Variants in GRM4 observed in about 807,000 individuals in gnomAD.
The protein encoded by GRM4 is glutamate metabotropic receptor 4, also known as metabotropic glutamate receptor 4.
In GRM4, 28 loss-of-function variants were observed where a neutral mutation model predicts 81.7. The observed-to-expected ratio is 0.34, with a 90% CI of 0.25 to 0.47. The LOEUF (loss-of-function observed/expected upper bound fraction) is 0.47, where lower values mean the gene tolerates loss of function less well. GRM4 is among the 20% of genes least tolerant of loss of function. The probability of loss-of-function intolerance (pLI) is 1.00; values close to 1 mark genes in which losing one functional copy is unlikely to be tolerated. For missense variants in GRM4, 948 were observed against 1,290.0 expected (o/e 0.73, Z 4.06); for synonymous variants, 488 against 528.8 (o/e 0.92, Z 1.06).
At chr6:34,085,140 C>G (rs920140712) in intron 3 of GRM4, among the ~76,000 whole-genome samples, 1 of 152,222 alleles carries the variant, frequency 6.6e-6, no homozygotes, top group Non-Finnish European at 1.5e-5. Flanking sequence ...TCTACAGAGT[C>G]ATATGCTATG....
At chr6:34,127,033 G>A (rs528193505) in intron 2 of GRM4, among the ~76,000 whole-genome samples, 1 of 152,218 alleles carries the variant, frequency 6.6e-6, no homozygotes, top group East Asian at 1.9e-4. Flanking sequence ...ATTTTTCTTT[G>A]TATTTTGTTT....
At chr6:34,141,522 A>G (rs1166103154) in intron 1 of GRM4, among the ~76,000 whole-genome samples, 1 of 152,212 alleles carries the variant, frequency 6.6e-6, no homozygotes, top group Non-Finnish European at 1.5e-5. Context: ...CACTGCTGCC[A>G]CGAGATTGCT....
rs764355872 is a variant in GRM4, at chr6:34,059,095, C to A, written c.906G>T (p.Gln302His). The A allele has an allele frequency of 6.2e-7, 1 of 1,613,798 alleles. No homozygotes were observed. Among genetic ancestry groups the A allele is most frequent in the Non-Finnish European group, 8.5e-7 (1 of 1,179,988 alleles). ...RVLEAARRAN[Q>H]TGHFFWMGSD... ...AGCCCATCCAGAAGAAATGGCCTGT[C>A]TGGTTGGCCCTTCGTGCTGCCTCCA... The change falls in exon 5 of 11, where the codon CAG becomes CAT. Residue 302 changes from glutamine to histidine, a missense_variant. Physicochemically the swap from Gln to His is conservative, Grantham distance 24. Coordinates refer to ENST00000538487, the MANE Select transcript of GRM4 (RefSeq NM_000841.4). The surrounding 1 kb of genome is among the most constrained non-coding windows in gnomAD (Gnocchi z 5.7).
Position 34,133,149 on chromosome 6 carries a change from G to C in GRM4, c.348C>G (p.Leu116=). The C allele has an allele frequency of 6.2e-7, 1 of 1,614,022 alleles. No individual in the cohort carries two copies. Among genetic ancestry groups the C allele is most frequent in the Non-Finnish European group, 8.5e-7 (1 of 1,179,920 alleles). ...LDTCSRDTHA[L]EQSLTFVQAL... The stretch of plus-strand genomic sequence containing the variant: ...CCTGCACAAAGGTCAGCGACTGCTC[G>C]AGGGCATGGGTGTCCCTGGAGCAGG... Residue 116 remains leucine (L), a synonymous_variant, in exon 2 of 11, where the codon CTC becomes CTG. Transcript: ENST00000538487. This position sits in a 1 kb window ranked among gnomAD's most constrained non-coding sequence, Gnocchi z 6.5.
intron 2 of GRM4, among the ~76,000 whole-genome samples, chr6:34,126,539 G>T (rs1294930066): frequency 6.6e-6 from 1 of 152,162 alleles, no homozygotes; most frequent in Non-Finnish European, 1.5e-5. Context: ...TGAGTCAGTG[G>T]GGACCTGGAG....
Position 34,022,985 on chromosome 6 carries a change from G to T in GRM4, c.2690-115C>A. The T allele has an allele frequency of 1.2e-6, 1 of 832,550 alleles. No homozygotes were observed. Among genetic ancestry groups the T allele is most frequent in the Non-Finnish European group, 2.1e-6 (1 of 484,804 alleles). 51.6% of individuals were successfully genotyped at this position (832,550 alleles called of 1,614,324 possible). On this transcript the variant is annotated intron_variant, in intron 10 of 10. Transcript: ENST00000538487. The surrounding 1 kb of genome is among the most constrained non-coding windows in gnomAD (Gnocchi z 5.6). ...CTACCATAGCTCCCCGCCTCTCATG[G>T]CATCCAGTCCTGAGCTGAGCAATCG...
At chr6:34,049,024 G>A (rs375293757) in intron 6 of GRM4, among the ~76,000 whole-genome samples, 5 of 152,026 alleles carry the variant, frequency 3.3e-5, no homozygotes, top group South Asian at 4.2e-4. Context: ...TCATTTCTCC[G>A]ATTTAAGCAA....
chr6:34,062,992 C>T (rs1766263367), intron 3 of GRM4: 1 of 152,248 alleles, frequency 6.6e-6, no homozygotes, highest in East Asian at 1.9e-4. Context: ...TACTGGAGTC[C>T]AGGAGCTGGA....
chr6:34,098,033 T>C (rs1194538067), intron 2 of GRM4, among the ~76,000 whole-genome samples: 9 of 152,214 alleles, frequency 5.9e-5, no homozygotes, highest in African/African-American at 2.2e-4. Context: ...CAGGGCTGTG[T>C]GACCCAGCTT....
chr6:34,143,842 G>A (rs1770805503), intron 1 of GRM4, among the ~76,000 whole-genome samples: 1 of 152,206 alleles, frequency 6.6e-6, no homozygotes, highest in African/African-American at 2.4e-5. Context: ...CTCCCTGCCT[G>A]CCCTAGGCCC....
intron 2 of GRM4, among the ~76,000 whole-genome samples, chr6:34,097,178 G>A (rs1237767089): frequency 6.6e-6 from 1 of 152,208 alleles, no homozygotes; most frequent in East Asian, 1.9e-4. Context: ...AGATGGGGAT[G>A]AGGAGCCAGG....
intron 2 of GRM4, among the ~76,000 whole-genome samples, chr6:34,096,374 G>A (rs1422471317): frequency 1.3e-5 from 2 of 152,012 alleles, no homozygotes; most frequent in African/African-American, 2.4e-5. Flanking sequence ...CCTCCTCCAG[G>A]CAGCCCTCCC....
At chr6:34,081,659 G>T (rs574490470) in intron 3 of GRM4, among the ~76,000 whole-genome samples, 1 of 152,240 alleles carries the variant, frequency 6.6e-6, no homozygotes, top group South Asian at 2.1e-4. Flanking sequence ...AGAGTGGGAC[G>T]CAGGCTGCTG....
chr6:34,036,530 C>G lies in GRM4; in HGVS notation c.1580G>C (p.Gly527Ala). 1 of 1,611,456 alleles carries G rather than the reference C, an allele frequency of 6.2e-7. No homozygotes were observed. The highest frequency in any genetic ancestry group is 8.5e-7 in the Non-Finnish European group (1 of 1,179,156). The change falls in exon 9 of 11, where the codon GGT becomes GCT. Residue 527 changes from glycine (G) to alanine (A), a missense_variant. Gly to Ala is a moderately conservative substitution (Grantham distance 60). Transcript: ENST00000538487. This position sits in a 1 kb window ranked among gnomAD's most constrained non-coding sequence, Gnocchi z 9.0. The stretch of plus-strand genomic sequence containing the variant: ...GCCCTTCACTGTCTTCTTCCGCTCA[C>G]CCGGTTGGCAGGGCAGGCTGCAGAT... ...RSICSLPCQPGERKKTVKGMP... is the reference protein window; with the variant it reads ...RSICSLPCQPAERKKTVKGMP...
At position 34,044,751 on chromosome 6, in the gene GRM4, T is replaced by TACACAC. The variant is rs796918373; in HGVS notation, c.1169-4004_1169-4003insGTGTGT. Among the ~76,000 whole-genome samples, 44 of 132,670 alleles carry TACACAC rather than the reference T, an allele frequency of 3.3e-4. 2 individuals carry two copies. The highest frequency in any genetic ancestry group is 1.3e-3 in the African/African-American group (44 of 35,030). The allele number at this position is 132,670 out of a possible 152,430, so 87.0% of individuals were successfully genotyped here. A position where few individuals can be genotyped will look rare whatever the true frequency, so the allele number is the denominator to read the frequency against. On this transcript the variant is annotated intron_variant, in intron 6 of 10. Coordinates refer to ENST00000538487, the MANE Select transcript of GRM4 (RefSeq NM_000841.4). The stretch of plus-strand genomic sequence containing the variant: ...ACAGACATACATACATACACATATA[T>TACACAC]ACACATACACACACATAGACATACA...
intron 9 of GRM4, among the ~76,000 whole-genome samples, chr6:34,030,330 AG>A (rs1362429120): frequency 6.6e-6 from 1 of 152,176 alleles, no homozygotes; most frequent in Non-Finnish European, 1.5e-5. Flanking sequence ...TCTTGGAAAT[AG>A]GGGTTGTGTC....
intron 3 of GRM4, among the ~76,000 whole-genome samples, chr6:34,073,479 A>C (rs1767143978): frequency 6.6e-6 from 1 of 151,466 alleles, no homozygotes; most frequent in South Asian, 2.1e-4. Context: ...CACCATACAC[A>C]GTCAGATACG....
Position 34,115,288 on chromosome 6 carries a change from G to A in GRM4, c.519+17690C>T, listed in dbSNP as rs1769547612. On this transcript the variant is annotated intron_variant, in intron 2 of 10. Transcript: ENST00000538487. This position sits in a 1 kb window ranked among gnomAD's most constrained non-coding sequence, Gnocchi z 4.1. ...TGCATGCGTGTGGCCACCCCCGTGGGTGAGGACAGCAGGCACAACACAGCC... is the reference window on the plus strand; with the variant it reads ...TGCATGCGTGTGGCCACCCCCGTGGATGAGGACAGCAGGCACAACACAGCC... 6.6e-6 allele frequency among the ~76,000 whole-genome samples: 1 copy of A among 152,234 alleles called. No homozygotes were observed. Among genetic ancestry groups the A allele is most frequent in the South Asian group, 2.1e-4 (1 of 4,834 alleles).
In GRM4 at chr6:34,110,913, G is replaced by A. The variant is rs1769349193; in HGVS notation, c.520-18814C>T. The A allele has an allele frequency of 4.3e-6, 5 of 1,175,020 alleles. No individual in the cohort carries two copies. In the East Asian group the frequency reaches 1.6e-4, roughly 38 times the overall value. The allele number at this position is 1,175,020 out of a possible 1,614,324, so 72.8% of individuals were successfully genotyped here. A position where few individuals can be genotyped will look rare whatever the true frequency, so the allele number is the denominator to read the frequency against. ...CCAGGGCAGGCTGGGAGTATGGACA[G>A]TAAGAGCCCACAAGGAACAGCCTCT... On this transcript the variant is annotated intron_variant, in intron 2 of 10. Coordinates refer to ENST00000538487, the MANE Select transcript of GRM4 (RefSeq NM_000841.4).
Sources: allele counts gnomAD v4.1 joint callset (sites outside exome capture counted in the v4.1 genomes callset), GRCh38; gene constraint gnomAD v4.1.1; non-coding constraint Gnocchi (gnomAD v3.1); transcripts MANE v1.5; gene names NCBI Gene and HGNC (gene_info 2026-07-23, HGNC 2026-07-21).